CD7: variants seen among roughly 807,000 people sequenced by gnomAD.
The protein encoded by CD7 is T-cell antigen CD7.
In CD7, 19 loss-of-function variants were observed where a neutral mutation model predicts 17.6. The observed-to-expected ratio is 1.08, with a 90% CI of 0.75 to 1.58. The LOEUF (loss-of-function observed/expected upper bound fraction) is 1.58. Among genes scored for constraint, CD7 ranks in the 40% most tolerant of loss-of-function variants. CD7 has a pLI of 0.00. For synonymous variants in CD7, 160 were observed against 159.8 expected, an observed-to-expected ratio of 1.00 and a Z score of -0.01; for missense variants, 291 against 327.1, an observed-to-expected ratio of 0.89 and a Z score of 0.85.
intron 1 of CD7, 77 bp downstream of exon 1, chr17:82,317,337 T>C: frequency 7.2e-7 from 1 of 1,386,714 alleles, no homozygotes; most frequent in Non-Finnish European, 9.9e-7. Context: ...GTGCTGTGGC[T>C]CAGACTGGGG....
In CD7 at chr17:82,317,439, G is replaced by A; in HGVS notation, c.57C>T (p.Gly19=). The change falls in exon 1 of 4, where the codon GGC becomes GGT. Residue 19 remains glycine (G), a synonymous_variant. Coordinates refer to ENST00000312648, the MANE Select transcript of CD7 (RefSeq NM_006137.7). ...CTTGGGCAGCCAGGGCCCCAGGCAG[G>A]CCGCGAGCCAGCGCCAGAAGCAGGG... The part of the protein sequence containing the change: ...LLPLLLALAR[G]LPGALAAQEV... The A allele has an allele frequency of 6.4e-7, 1 of 1,564,276 alleles. No individual in the cohort carries two copies. The highest frequency in any genetic ancestry group is 8.7e-7 in the Non-Finnish European group (1 of 1,156,052).
Position 82,315,090 on chromosome 17 carries a change from T to G in CD7, c.*231A>C. On this transcript the variant is annotated 3_prime_UTR_variant, in exon 4 of 4. Transcript: ENST00000312648. ...GTCAGGCTTCCTCCCGGTGGCGGCG[T>G]GGGCTGGGCAGGGAAGGCTTCCCGG... The G allele has an allele frequency of 2.3e-5, 11 of 471,764 alleles. No individual in the cohort carries two copies. Among genetic ancestry groups the G allele is most frequent in the East Asian group, 1.5e-4 (4 of 26,440 alleles). 29.2% of individuals were successfully genotyped at this position (471,764 alleles called of 1,614,324 possible). A position where few individuals can be genotyped will look rare whatever the true frequency, so the allele number is the denominator to read the frequency against.
intron 1 of CD7, 94 bp downstream of exon 1, chr17:82,317,319 TG>T: frequency 1.6e-6 from 2 of 1,232,858 alleles, no homozygotes; most frequent in Non-Finnish European, 2.3e-6. Flanking sequence ...ACCCGCTTCC[TG>T]GGGGCTGTGC....
At position 82,316,569 on chromosome 17, in the gene CD7, A is replaced by T. The variant is rs751319320; in HGVS notation, c.397+98T>A. 6 of 1,387,892 alleles carry T rather than the reference A, an allele frequency of 4.3e-6. No individual in the cohort carries two copies. The Admixed American group carries it at 1.0e-4, about 24-fold the overall frequency. The allele number at this position is 1,387,892 out of a possible 1,614,324, so 86.0% of individuals were successfully genotyped here. A position where few individuals can be genotyped will look rare whatever the true frequency, so the allele number is the denominator to read the frequency against. ...GGCTGGGAGCTGGAACAGTTCAGGC[A>T]CATGTAGGAGGGAGGGTCCCACGAC... On this transcript the variant is annotated intron_variant, in intron 2 of 3. Coordinates refer to ENST00000312648, the MANE Select transcript of CD7 (RefSeq NM_006137.7).
chr17:82,315,432 C>G lies in CD7; in HGVS notation c.613-1G>C. 1 of 1,612,938 alleles carries G rather than the reference C, an allele frequency of 6.2e-7. No homozygotes were observed. The highest frequency in any genetic ancestry group is 8.5e-7 in the Non-Finnish European group (1 of 1,179,066). On this transcript the variant is annotated splice_acceptor_variant, in intron 3 of 3. Transcript: ENST00000312648. LOFTEE classifies it high-confidence loss of function. ...CCCGCCACGAGCACAGTTTCTTTAT[C>G]TGAAAGACAGAACCGCCGTCTCCAA...
chr17:82,315,088 C>T lies in CD7; in HGVS notation c.*233G>A, dbSNP rs896308283. The stretch of plus-strand genomic sequence containing the variant: ...CAGTCAGGCTTCCTCCCGGTGGCGG[C>T]GTGGGCTGGGCAGGGAAGGCTTCCC... On this transcript the variant is annotated 3_prime_UTR_variant, in exon 4 of 4. Coordinates refer to ENST00000312648, the MANE Select transcript of CD7 (RefSeq NM_006137.7). 2.0e-5 allele frequency: 10 copies of T among 496,126 alleles called. No individual in the cohort carries two copies. The highest frequency in any genetic ancestry group is 9.7e-5 in the African/African-American group (5 of 51,320). The allele number at this position is 496,126 out of a possible 1,614,324, so 30.7% of individuals were successfully genotyped here.
In CD7 at chr17:82,316,252, C is replaced by CACCGCCAG. The variant is rs1193010482; in HGVS notation, c.547_554dup (p.Ile186TrpfsTer3). 6.4e-7 allele frequency: 1 copy of CACCGCCAG among 1,574,682 alleles called. No individual in the cohort carries two copies. Among genetic ancestry groups the CACCGCCAG allele is most frequent in the Admixed American group, 1.8e-5 (1 of 54,270 alleles). ...GGCCCAGCCCGAGGAGGAAGGAGATCACCGCCAGGGCCGCAGGGAGGGCAG... is the reference window on the plus strand; with the variant it reads ...GGCCCAGCCCGAGGAGGAAGGAGATCACCGCCAGACCGCCAGGGCCGCAGGGAGGGCAG... On this transcript the variant is annotated frameshift_variant, in exon 3 of 4. Transcript: ENST00000312648. LOFTEE classifies it high-confidence loss of function.
intron 3 of CD7, 30 bp from the exon 4 acceptor site, chr17:82,315,461 G>A (rs368166351): frequency 1.7e-4 from 257 of 1,554,502 alleles, no homozygotes; most frequent in Non-Finnish European, 2.2e-4. Context: ...TCTCCAACCA[G>A]TGGCCAGCGT....
In CD7 at chr17:82,315,190, G is replaced by A. The variant is rs546483564; in HGVS notation, c.*131C>T. 8 of 659,334 alleles carry A rather than the reference G, an allele frequency of 1.2e-5. No individual in the cohort carries two copies. The highest frequency in any genetic ancestry group is 5.5e-5 in the East Asian group (2 of 36,646). The allele number at this position is 659,334 out of a possible 1,614,324, so 40.8% of individuals were successfully genotyped here. On this transcript the variant is annotated 3_prime_UTR_variant, in exon 4 of 4. Transcript: ENST00000312648. Reference sequence around the variant, plus strand: ...TGTGTGTCTGCTTGGAGCTGGGCACGGCTGGGCCCTTCAAACTCTGCTGCA... The same window carrying A: ...TGTGTGTCTGCTTGGAGCTGGGCACAGCTGGGCCCTTCAAACTCTGCTGCA...
Position 82,314,977 on chromosome 17 carries a change from C to T in CD7, c.*344G>A, listed in dbSNP as rs1191630253. 3 of 273,848 alleles carry T rather than the reference C, an allele frequency of 1.1e-5. No homozygotes were observed. Among genetic ancestry groups the T allele is most frequent in the African/African-American group, 2.2e-5 (1 of 45,880 alleles). 17.0% of individuals were successfully genotyped at this position (273,848 alleles called of 1,614,324 possible). ...GTTGGGGGCCTGCTGGTGGGTGGGC[C>T]GGCACTGACAGGAGAGGGCCGCGTG... On this transcript the variant is annotated 3_prime_UTR_variant, in exon 4 of 4. Transcript: ENST00000312648. The surrounding 1 kb of genome is among the most constrained non-coding windows in gnomAD (Gnocchi z 6.0).
intron 1 of CD7, 86 bp from the exon 2 acceptor site, chr17:82,317,067 G>A: frequency 7.8e-7 from 1 of 1,282,868 alleles, no homozygotes; most frequent in African/African-American, 1.5e-5. Context: ...GGGGATGGTG[G>A]GGCCCTGAGA....
At chr17:82,316,436 T>G in intron 2 of CD7, 27 bp from the exon 3 acceptor site, 3 of 1,518,598 alleles carry the variant, frequency 2.0e-6, no homozygotes, top group Non-Finnish European at 2.7e-6. Flanking sequence ...AAGGAAGGGA[T>G]TCTCCCGGTG....
chr17:82,317,088 C>A, intron 1 of CD7, 107 bp from the exon 2 acceptor site: 1 of 1,071,192 alleles, frequency 9.3e-7, no homozygotes, highest in Non-Finnish European at 1.3e-6. Context: ...CAGCCCAGGG[C>A]TGACATGTCG....
Position 82,315,496 on chromosome 17 carries a change from C to T in CD7, c.613-65G>A, listed in dbSNP as rs141642313. On this transcript the variant is annotated intron_variant, in intron 3 of 3. Coordinates refer to ENST00000312648, the MANE Select transcript of CD7 (RefSeq NM_006137.7). ...TGGTGTCCTGGACCCCACCCCACTC[C>T]GGTCAGCTTTCTAATTTTAACACGA... is the stretch of plus-strand genomic sequence containing the variant. The T allele has an allele frequency of 3.4e-4, 431 of 1,268,660 alleles. No homozygotes were observed. In the African/African-American group the frequency reaches 5.4e-3, roughly 16 times the overall value. 78.6% of individuals were successfully genotyped at this position (1,268,660 alleles called of 1,614,324 possible). A position where few individuals can be genotyped will look rare whatever the true frequency, so the allele number is the denominator to read the frequency against.
intron 1 of CD7, 102 bp downstream of exon 1, chr17:82,317,312 C>T (rs575431051): frequency 3.7e-5 from 44 of 1,188,522 alleles, no homozygotes; most frequent in South Asian, 1.1e-4. Flanking sequence ...GCACCCCACC[C>T]GCTTCCTGGG....
chr17:82,315,970 C>CGCACACGT (rs952231485), intron 3 of CD7: 1 of 649,202 alleles, frequency 1.5e-6, no homozygotes, highest in African/African-American at 1.9e-5. Context: ...CGCGCACACG[C>CGCACACGT]GCACACGCGG....
At chr17:82,316,626 C>A (rs751208327) in intron 2 of CD7, 41 bp downstream of exon 2, 22 of 1,583,884 alleles carry the variant, frequency 1.4e-5, no homozygotes, top group Non-Finnish European at 1.9e-5. Flanking sequence ...TGGCCAGCAG[C>A]TGGGGTTGGG....
chr17:82,315,466 C>T, intron 3 of CD7, 35 bp from the exon 4 acceptor site: 1 of 1,539,542 alleles, frequency 6.5e-7, no homozygotes. Flanking sequence ...AACCAGTGGC[C>T]AGCGTGGTGT....
intron 3 of CD7, chr17:82,315,955 G>C (rs2052008510): frequency 3.6e-6 from 2 of 559,714 alleles, no homozygotes; most frequent in Non-Finnish European, 6.1e-6. Context: ...ACTCACACCT[G>C]CACACGCGCA....
Sources: allele counts gnomAD v4.1 joint callset, GRCh38; gene constraint gnomAD v4.1.1; non-coding constraint Gnocchi (gnomAD v3.1); transcripts MANE v1.5; gene names NCBI Gene and HGNC (gene_info 2026-07-23, HGNC 2026-07-21).